The following ENPP6 variants were observed in gnomAD, a reference collection of about 807,000 sequenced individuals.
ENPP6 encodes ectonucleotide pyrophosphatase/phosphodiesterase 6, also known as glycerophosphocholine cholinephosphodiesterase ENPP6.
In ENPP6, 32 loss-of-function variants were observed where a neutral mutation model predicts 42.0. The observed-to-expected ratio is 0.76, with a 90% CI of 0.58 to 1.02. The LOEUF is 1.02. Ranked by LOEUF, ENPP6 falls within the 50% of genes least tolerant of loss-of-function variation. The pLI is 0.00. For missense variants in ENPP6, 552 were observed against 566.8 expected (o/e 0.97, Z 0.27); for synonymous variants, 213 against 216.0 (o/e 0.99, Z 0.12).
In ENPP6 at chr4:184,171,100, G is replaced by T. The variant is rs146094392; in HGVS notation, c.242-17367C>A. On this transcript the variant is annotated intron_variant, in intron 1 of 7. Transcript: ENST00000296741. ...CATGTATTCAGCTCACAAATATGCA[G>T]TCTGGATGGAGCATGGAAGGGAAAG... Among the ~76,000 whole-genome samples, 750 of 152,342 alleles carry T rather than the reference G, an allele frequency of 4.9e-3. 21 individuals are homozygous for T. Among genetic ancestry groups the T allele is most frequent in the Admixed American group, 0.044 (675 of 15,302 alleles).
At chr4:184,157,865 C>T (rs904534399) in intron 1 of ENPP6, among the ~76,000 whole-genome samples, 3 of 151,176 alleles carry the variant, frequency 2.0e-5, no homozygotes, top group African/African-American at 7.3e-5. Context: ...AGTGATCCAC[C>T]CGCCTCAGTA....
At chr4:184,129,776 G>A (rs1206059935) in intron 2 of ENPP6, among the ~76,000 whole-genome samples, 1 of 152,088 alleles carries the variant, frequency 6.6e-6, no homozygotes, top group East Asian at 1.9e-4. Context: ...TTATTTAGTG[G>A]CATAATATTT....
At chr4:184,154,911 T>A (rs1481003502) in intron 1 of ENPP6, among the ~76,000 whole-genome samples, 1 of 152,248 alleles carries the variant, frequency 6.6e-6, no homozygotes, top group Admixed American at 6.5e-5. Context: ...TTGTTTCAAC[T>A]AACATGTATT....
chr4:184,203,575 C>T (rs979179626), intron 1 of ENPP6, among the ~76,000 whole-genome samples: 2 of 152,120 alleles, frequency 1.3e-5, no homozygotes, highest in Non-Finnish European at 2.9e-5. Flanking sequence ...GAGAATGCCC[C>T]GTGACAATGG....
At chr4:184,205,984 G>T (rs1231059412) in intron 1 of ENPP6, among the ~76,000 whole-genome samples, 1 of 152,166 alleles carries the variant, frequency 6.6e-6, no homozygotes, top group Non-Finnish European at 1.5e-5. Flanking sequence ...GAATGACCAG[G>T]ACGCCCGGGA....
At chr4:184,095,758 AT>A (rs1431747480) in intron 7 of ENPP6, among the ~76,000 whole-genome samples, 1 of 151,584 alleles carries the variant, frequency 6.6e-6, no homozygotes, top group Non-Finnish European at 1.5e-5. Flanking sequence ...TCATGATCCT[AT>A]TTCCCTCATC....
chr4:184,108,022 C>T (rs1348880712), intron 6 of ENPP6, among the ~76,000 whole-genome samples: 1 of 152,088 alleles, frequency 6.6e-6, no homozygotes, highest in African/African-American at 2.4e-5. Flanking sequence ...CCTGTTAGTG[C>T]AGCCGCCTTA....
At chr4:184,153,159 CTT>C (rs1015171355) in intron 2 of ENPP6, among the ~76,000 whole-genome samples, 8 of 142,518 alleles carry the variant, frequency 5.6e-5, no homozygotes, top group African/African-American at 2.1e-4. Flanking sequence ...GAGTTTTGCT[CTT>C]GTTGCCCAGA....
chr4:184,162,400 G>A (rs929906445), intron 1 of ENPP6, among the ~76,000 whole-genome samples: 2 of 152,206 alleles, frequency 1.3e-5, no homozygotes, highest in African/African-American at 2.4e-5. Flanking sequence ...ATATGTGAAA[G>A]TTTGCTTTTT....
chr4:184,206,512 T>C (rs1357110313), intron 1 of ENPP6, among the ~76,000 whole-genome samples: 1 of 151,448 alleles, frequency 6.6e-6, no homozygotes, highest in Non-Finnish European at 1.5e-5. Flanking sequence ...CGTCTCGGCC[T>C]CCCAAAGTGC....
chr4:184,162,951 G>A (rs1051249553), intron 1 of ENPP6, among the ~76,000 whole-genome samples: 2 of 152,084 alleles, frequency 1.3e-5, no homozygotes, highest in African/African-American at 2.4e-5. Flanking sequence ...TCCGCTCCCC[G>A]AGTGGTGAAT....
Position 184,103,914 on chromosome 4 carries a change from G to A in ENPP6, c.994-6546C>T, listed in dbSNP as rs1579609459. Among the ~76,000 whole-genome samples, 2 of 152,296 alleles carry A rather than the reference G, an allele frequency of 1.3e-5. 1 individual carries two copies. Among genetic ancestry groups the A allele is most frequent in the Non-Finnish European group, 2.9e-5 (2 of 68,022 alleles). ...TTGATCCTCGAAATGGAAAATGCAG[G>A]CAGCCAAGTCAGCAGGGATCTGGCG... On this transcript the variant is annotated intron_variant, in intron 6 of 7. Coordinates refer to ENST00000296741, the MANE Select transcript of ENPP6 (RefSeq NM_153343.4).
intron 3 of ENPP6, among the ~76,000 whole-genome samples, chr4:184,122,002 CTAT>C (rs1443623989): frequency 6.6e-6 from 1 of 152,156 alleles, no homozygotes; most frequent in Non-Finnish European, 1.5e-5. Context: ...ATCATCCAGC[CTAT>C]TATTATTCTT....
At chr4:184,116,751 C>A in intron 5 of ENPP6, 105 bp downstream of exon 5, 2 of 1,446,474 alleles carry the variant, frequency 1.4e-6, no homozygotes, top group Non-Finnish European at 1.9e-6. Context: ...GAAACAAACA[C>A]ACACACACAA....
intron 2 of ENPP6, among the ~76,000 whole-genome samples, chr4:184,144,468 C>A (rs1375758416): frequency 6.6e-6 from 1 of 152,236 alleles, no homozygotes; most frequent in Admixed American, 6.5e-5. Context: ...TCTGCGTGCT[C>A]CTTCAGACTC....
At position 184,116,949 on chromosome 4, in the gene ENPP6, CTCAA is replaced by C; in HGVS notation, c.758_761del (p.Ile253SerfsTer2). The C allele has an allele frequency of 6.2e-7, 1 of 1,614,202 alleles. No individual in the cohort carries two copies. Among genetic ancestry groups the C allele is most frequent in the Non-Finnish European group, 8.5e-7 (1 of 1,180,040 alleles). ...CATTCAGGCTGATGTACTTATTCAG[CTCAA>C]TCACTTTGTCCATCCAGAAAATGTC... On this transcript the variant is annotated frameshift_variant, in exon 5 of 8. Transcript: ENST00000296741. LOFTEE classifies it high-confidence loss of function.
rs1395319057 is a variant in ENPP6 at position 184,131,186 on chromosome 4, TTTCTTTCTTTCTTTC to T, written c.422-6929_422-6915del. On this transcript the variant is annotated intron_variant, in intron 2 of 7. Coordinates refer to ENST00000296741, the MANE Select transcript of ENPP6 (RefSeq NM_153343.4). ...CTTTCTTTCTTTCTTTCTTTCTTTC[TTTCTTTCTTTCTTTC>T]TTCTTTCTTTCTTTCTTTTTCTTTC... Among the ~76,000 whole-genome samples the T allele has an allele frequency of 2.2e-3, 134 of 61,550 alleles. 4 individuals carry two copies. Among genetic ancestry groups the T allele is most frequent in the East Asian group, 0.012 (33 of 2,660 alleles). 40.4% of individuals were successfully genotyped at this position (61,550 alleles called of 152,430 possible).
At chr4:184,204,896 G>C (rs1732966910) in intron 1 of ENPP6, among the ~76,000 whole-genome samples, 1 of 152,128 alleles carries the variant, frequency 6.6e-6, no homozygotes, top group East Asian at 1.9e-4. Context: ...CTGAAACTCT[G>C]AATGTCTTAA....
intron 2 of ENPP6, among the ~76,000 whole-genome samples, chr4:184,139,572 G>A (rs898969262): frequency 2.1e-5 from 3 of 141,746 alleles, no homozygotes; most frequent in Non-Finnish European, 1.5e-5. Context: ...TGTTGTTCTC[G>A]TTGTTCAATT....
Sources: allele counts gnomAD v4.1 joint callset (sites outside exome capture counted in the v4.1 genomes callset), GRCh38; gene constraint gnomAD v4.1.1; transcripts MANE v1.5; gene names NCBI Gene and HGNC (gene_info 2026-07-23, HGNC 2026-07-21).